DOCK4: variants seen among roughly 807,000 people sequenced by gnomAD.
DOCK4 encodes the protein dedicator of cytokinesis 4.
Under a neutral mutation model 268.1 loss-of-function variants are expected in DOCK4, and 97 were observed. The observed-to-expected ratio is 0.36, with a 90% CI of 0.31 to 0.43. The LOEUF (loss-of-function observed/expected upper bound fraction) is 0.43, where lower values mean the gene tolerates loss of function less well. Among genes scored for constraint, DOCK4 ranks in the 20% least tolerant of loss-of-function variants. The probability of loss-of-function intolerance (pLI) is 1.00; values close to 1 mark genes in which losing one functional copy is unlikely to be tolerated. For missense variants in DOCK4, 2,145 were observed against 2,455.7 expected, an observed-to-expected ratio of 0.87 and a Z score of 2.67; for synonymous variants, 954 against 887.2, an observed-to-expected ratio of 1.08 and a Z score of -1.34.
chr7:111,729,870 C>CTG (rs1191701622), intron 52 of DOCK4, among the ~76,000 whole-genome samples: 6 of 152,360 alleles, frequency 3.9e-5, no homozygotes, highest in African/African-American at 1.2e-4. Context: ...GGGCTGTAGC[C>CTG]TGTGATGTGA....
At chr7:111,854,721 A>G (rs778481760) in intron 23 of DOCK4, among the ~76,000 whole-genome samples, 1 of 152,126 alleles carries the variant, frequency 6.6e-6, no homozygotes, top group Non-Finnish European at 1.5e-5. Flanking sequence ...TCCCTAACCC[A>G]TGATTCAGTC....
At chr7:112,143,710 T>C (rs1366320402) in intron 1 of DOCK4, among the ~76,000 whole-genome samples, 1 of 152,134 alleles carries the variant, frequency 6.6e-6, no homozygotes, top group Admixed American at 6.5e-5. Flanking sequence ...TGTGTTTATA[T>C]AAAGTCTCCT....
intron 1 of DOCK4, among the ~76,000 whole-genome samples, chr7:112,128,308 C>CT (rs530255714): frequency 2.0e-5 from 3 of 151,546 alleles, no homozygotes; most frequent in Admixed American, 1.3e-4. Flanking sequence ...GGGTCAGCCC[C>CT]CTGCCCGGCC....
chr7:111,907,023 T>C (rs1211316546), intron 13 of DOCK4, among the ~76,000 whole-genome samples: 2 of 152,088 alleles, frequency 1.3e-5, no homozygotes, highest in African/African-American at 4.8e-5. Flanking sequence ...CAAGCTTCTG[T>C]CACTTCATGA....
intron 30 of DOCK4, among the ~76,000 whole-genome samples, chr7:111,805,799 C>A (rs1800625345): frequency 6.6e-6 from 1 of 152,160 alleles, no homozygotes; most frequent in South Asian, 2.1e-4. Flanking sequence ...TAAATTAGAC[C>A]AACTAGACAG....
At chr7:111,902,568 A>G (rs1350359151) in intron 13 of DOCK4, among the ~76,000 whole-genome samples, 1 of 152,234 alleles carries the variant, frequency 6.6e-6, no homozygotes, top group Non-Finnish European at 1.5e-5. Context: ...ATGTGCTAAC[A>G]GCATGCTTTT....
At chr7:111,802,236 G>A (rs1391514386) in intron 30 of DOCK4, among the ~76,000 whole-genome samples, 1 of 152,016 alleles carries the variant, frequency 6.6e-6, no homozygotes, top group Non-Finnish European at 1.5e-5. Context: ...AAGATGTCCT[G>A]GAAATTGAGT....
chr7:112,115,495 T>C (rs915045620), intron 1 of DOCK4, among the ~76,000 whole-genome samples: 3 of 152,170 alleles, frequency 2.0e-5, no homozygotes, highest in Admixed American at 6.5e-5. Context: ...TTGTTCTGTT[T>C]ATCTCATCTT....
chr7:112,012,585 A>G (rs1274842813), intron 1 of DOCK4, among the ~76,000 whole-genome samples: 1 of 152,246 alleles, frequency 6.6e-6, no homozygotes, highest in African/African-American at 2.4e-5. Flanking sequence ...CTTTTCCCAC[A>G]ATCCAAATGA....
At chr7:112,063,283 C>A (rs779971438) in intron 1 of DOCK4, among the ~76,000 whole-genome samples, 13 of 152,192 alleles carry the variant, frequency 8.5e-5, no homozygotes, top group Non-Finnish European at 1.9e-4. Flanking sequence ...GTCTGTAATT[C>A]GTGGCCTTCT....
At chr7:112,170,799 G>A (rs544451425) in intron 1 of DOCK4, among the ~76,000 whole-genome samples, 40 of 152,256 alleles carry the variant, frequency 2.6e-4, no homozygotes, top group Non-Finnish European at 4.4e-4. Flanking sequence ...AAGATACTGA[G>A]ATACTGTACA....
In DOCK4 at chr7:111,741,081, G is replaced by C; in HGVS notation, c.5040+13C>G. 1 of 1,613,050 alleles carries C rather than the reference G, an allele frequency of 6.2e-7. No individual in the cohort carries two copies. ...AGGAATAAACACAACCAGACAAAAA[G>C]CTAATTAAGTACCTGCATGTTAAAG... On this transcript the variant is annotated intron_variant, in intron 47 of 52. Coordinates refer to ENST00000428084, the MANE Select transcript of DOCK4 (RefSeq NM_001363540.2).
chr7:112,041,881 C>T (rs1320989259), intron 1 of DOCK4, among the ~76,000 whole-genome samples: 1 of 152,190 alleles, frequency 6.6e-6, no homozygotes, highest in East Asian at 1.9e-4. Context: ...AGATAGCGTA[C>T]TTCTGGACAG....
chr7:111,913,863 C>G (rs968217635), intron 13 of DOCK4, among the ~76,000 whole-genome samples: 1 of 152,046 alleles, frequency 6.6e-6, no homozygotes, highest in Non-Finnish European at 1.5e-5. Context: ...ACCTGGACAA[C>G]AGAGTGAGAC....
At chr7:112,003,930 T>TC (rs1480690646) in intron 2 of DOCK4, 118 bp downstream of exon 2, 3 of 658,142 alleles carry the variant, frequency 4.6e-6, no homozygotes, top group Non-Finnish European at 7.2e-6. Flanking sequence ...AACAATTTTG[T>TC]CAAAAATGAC....
chr7:111,905,184 CTG>C (rs773947213), intron 13 of DOCK4, among the ~76,000 whole-genome samples: 25 of 152,150 alleles, frequency 1.6e-4, no homozygotes, highest in Non-Finnish European at 3.4e-4. Context: ...GAGGTTGACT[CTG>C]GAGAAAACTC....
At chr7:112,131,681 A>G (rs191274888) in intron 1 of DOCK4, among the ~76,000 whole-genome samples, 61 of 152,316 alleles carry the variant, frequency 4.0e-4, no homozygotes, top group Admixed American at 3.6e-3. Context: ...AGGTGCCTAT[A>G]ATGAACCAAA....
At chr7:112,118,927 A>G (rs1181966030) in intron 1 of DOCK4, among the ~76,000 whole-genome samples, 2 of 152,118 alleles carry the variant, frequency 1.3e-5, no homozygotes, top group Non-Finnish European at 2.9e-5. Flanking sequence ...GCCTTTCCCT[A>G]TAAGTCTGAA....
At chr7:111,758,011 T>G (rs907698743) in intron 41 of DOCK4, among the ~76,000 whole-genome samples, 2 of 151,998 alleles carry the variant, frequency 1.3e-5, no homozygotes, top group Admixed American at 6.5e-5. Context: ...GGTGCTGAAG[T>G]AGGAAGGCGT....
Sources: gnomAD v4.1 joint callset for allele counts (sites outside exome capture counted in the v4.1 genomes callset) on GRCh38, gnomAD v4.1.1 for gene constraint, MANE v1.5 for transcripts, NCBI Gene and HGNC (gene_info 2026-07-23, HGNC 2026-07-21) for gene names.